CALN1: variants seen among roughly 807,000 people sequenced by gnomAD.
CALN1 encodes calcium-binding protein 8.
CALN1 carries 17 observed loss-of-function variants against 30.6 expected under a neutral mutation model. The ratio of observed to expected loss-of-function variants is 0.56; its 90% CI spans 0.38 to 0.83. The LOEUF is 0.83. CALN1 is among the 40% of genes least tolerant of loss of function. CALN1 has a pLI of 0.00. For missense variants in CALN1, 291 were observed against 354.9 expected (o/e 0.82, Z 1.45); for synonymous variants, 156 against 131.4 (o/e 1.19, Z -1.28).
chr7:72,395,949 T>G (rs1007533103), intron 2 of CALN1, among the ~76,000 whole-genome samples: 1 of 152,042 alleles, frequency 6.6e-6, no homozygotes, highest in African/African-American at 2.4e-5. Context: ...AATATATATA[T>G]TTTAACTCAC....
intron 2 of CALN1, among the ~76,000 whole-genome samples, chr7:72,353,673 A>G (rs1401804710): frequency 1.3e-5 from 2 of 152,204 alleles, no homozygotes; most frequent in Non-Finnish European, 2.9e-5. Context: ...AAGGGCTTCT[A>G]TTGAACATTT....
chr7:71,800,847 G>C (rs1378980724), intron 6 of CALN1, among the ~76,000 whole-genome samples: 4 of 152,128 alleles, frequency 2.6e-5, no homozygotes. Context: ...TACATGTGCA[G>C]AATGTGCAGG....
chr7:71,800,963 C>T (rs987286315), intron 6 of CALN1, among the ~76,000 whole-genome samples: 1 of 152,238 alleles, frequency 6.6e-6, no homozygotes, highest in African/African-American at 2.4e-5. Flanking sequence ...GATGCTCTCC[C>T]TCCCATTGCC....
At position 72,278,865 on chromosome 7, in the gene CALN1, C is replaced by T. The variant is rs958265507; in HGVS notation, c.120-55G>A. 4.4e-6 allele frequency: 7 copies of T among 1,573,724 alleles called. No individual in the cohort carries two copies. In the Admixed American group the frequency reaches 6.8e-5, roughly 15 times the overall value. On this transcript the variant is annotated intron_variant, in intron 2 of 6. Transcript: ENST00000395275. ...AGAAAGACATCATCATTCATTCTTC[C>T]TTTCCTTTCTTAAAGGACCATCTGA...
chr7:71,870,261 T>C lies in CALN1; in HGVS notation c.502-59769A>G, dbSNP rs576729423. Among the ~76,000 whole-genome samples, 9 of 152,164 alleles carry C rather than the reference T, an allele frequency of 5.9e-5. No homozygotes were observed. In the South Asian group the frequency reaches 1.9e-3, roughly 32 times the overall value. Reference sequence around the variant, plus strand: ...AGCTAGGCATGGTGGCATGTGCCTGTAATCTCAGCTACTAGGGAGGCTGAG... The same window carrying C: ...AGCTAGGCATGGTGGCATGTGCCTGCAATCTCAGCTACTAGGGAGGCTGAG... On this transcript the variant is annotated intron_variant, in intron 5 of 6. Coordinates refer to ENST00000395275, the MANE Select transcript of CALN1 (RefSeq NM_031468.4).
At chr7:72,166,026 A>G (rs954967605) in intron 3 of CALN1, among the ~76,000 whole-genome samples, 21 of 152,112 alleles carry the variant, frequency 1.4e-4, no homozygotes, top group Admixed American at 1.4e-3. Context: ...CTCCTTTCTC[A>G]TGCTTTGCTA....
intron 2 of CALN1, among the ~76,000 whole-genome samples, chr7:72,350,417 T>C (rs771998098): frequency 6.6e-6 from 1 of 152,146 alleles, no homozygotes; most frequent in Non-Finnish European, 1.5e-5. Flanking sequence ...AAAGAAAACG[T>C]GGCACATACA....
At chr7:71,808,298 T>C (rs1432633796) in intron 6 of CALN1, among the ~76,000 whole-genome samples, 1 of 151,568 alleles carries the variant, frequency 6.6e-6, no homozygotes, top group Admixed American at 6.6e-5. Flanking sequence ...TTAATAATGG[T>C]AACAATTATT....
chr7:71,881,127 C>T (rs1792538515), intron 5 of CALN1, among the ~76,000 whole-genome samples: 1 of 152,220 alleles, frequency 6.6e-6, no homozygotes, highest in East Asian at 1.9e-4. Context: ...TGCCCTTGAA[C>T]ATCAGACTCC....
intron 5 of CALN1, among the ~76,000 whole-genome samples, chr7:71,953,417 A>G (rs1796796330): frequency 6.6e-6 from 1 of 152,084 alleles, no homozygotes; most frequent in Non-Finnish European, 1.5e-5. Flanking sequence ...TATCATCTTA[A>G]ATGACCACTC....
At chr7:71,967,415 C>T (rs1797579071) in intron 5 of CALN1, among the ~76,000 whole-genome samples, 3 of 151,826 alleles carry the variant, frequency 2.0e-5, no homozygotes, top group Non-Finnish European at 4.4e-5. Flanking sequence ...ATGGCTTTAA[C>T]TCAGGAGTTC....
intron 2 of CALN1, among the ~76,000 whole-genome samples, chr7:72,398,142 G>A (rs982945547): frequency 3.9e-5 from 6 of 152,164 alleles, no homozygotes; most frequent in African/African-American, 9.7e-5. Context: ...AAGCAAAGAG[G>A]AGTCCAGCTG....
At chr7:71,865,170 AGT>A (rs1393315783) in intron 5 of CALN1, among the ~76,000 whole-genome samples, 8 of 152,190 alleles carry the variant, frequency 5.3e-5, no homozygotes, top group Non-Finnish European at 7.3e-5. Flanking sequence ...TGTAATCCCC[AGT>A]GTCGGAGGTG....
At chr7:72,253,415 T>C (rs546287493) in intron 3 of CALN1, among the ~76,000 whole-genome samples, 3 of 152,326 alleles carry the variant, frequency 2.0e-5, no homozygotes, top group African/African-American at 7.2e-5. Context: ...TATAAAGACA[T>C]ACCTGAGACT....
chr7:71,878,582 G>A (rs1488453767), intron 5 of CALN1, among the ~76,000 whole-genome samples: 5 of 152,136 alleles, frequency 3.3e-5, no homozygotes, highest in African/African-American at 1.2e-4. Flanking sequence ...AAAGCCGGAG[G>A]AGAAGGAAGT....
intron 1 of CALN1, among the ~76,000 whole-genome samples, chr7:72,411,465 G>A (rs544779050): frequency 6.6e-6 from 1 of 152,112 alleles, no homozygotes; most frequent in African/African-American, 2.4e-5. Flanking sequence ...CTGAAATCTA[G>A]TTTGAATAAA....
chr7:72,212,707 A>G (rs1382883465), intron 3 of CALN1, among the ~76,000 whole-genome samples: 2 of 151,906 alleles, frequency 1.3e-5, no homozygotes, highest in African/African-American at 4.8e-5. Flanking sequence ...CCAGCTACTC[A>G]GGAAGCTGAG....
chr7:71,943,539 C>T (rs1440107643), intron 5 of CALN1, among the ~76,000 whole-genome samples: 1 of 150,866 alleles, frequency 6.6e-6, no homozygotes, highest in East Asian at 1.9e-4. Flanking sequence ...CTCTGGGGTT[C>T]AAGTCATTCT....
rs1416842924 is a variant in CALN1 at position 72,278,929 on chromosome 7, T to C, written c.120-119A>G. On this transcript the variant is annotated intron_variant, in intron 2 of 6. Coordinates refer to ENST00000395275, the MANE Select transcript of CALN1 (RefSeq NM_031468.4). ...AGTGTCATTTTAAAAATAGCAGTAA[T>C]ATTTCTAGTGGGAAAGTCAAGATAT... is the stretch of plus-strand genomic sequence containing the variant. 5.2e-6 allele frequency: 7 copies of C among 1,344,146 alleles called. No homozygotes were observed. In the East Asian group the frequency reaches 1.5e-4, roughly 29 times the overall value. 83.3% of individuals were successfully genotyped at this position (1,344,146 alleles called of 1,614,324 possible). A position where few individuals can be genotyped will look rare whatever the true frequency, so the allele number is the denominator to read the frequency against.
Sources: allele counts gnomAD v4.1 joint callset (sites outside exome capture counted in the v4.1 genomes callset), GRCh38; gene constraint gnomAD v4.1.1; transcripts MANE v1.5; gene names NCBI Gene and HGNC (gene_info 2026-07-23, HGNC 2026-07-21).